The following FGF7 variants were observed in gnomAD, a reference collection of about 807,000 sequenced individuals.
FGF7 encodes fibroblast growth factor 7.
In FGF7, 6 loss-of-function variants were observed where a neutral mutation model predicts 20.5. The ratio of observed to expected loss-of-function variants is 0.29; its 90% CI spans 0.16 to 0.58. FGF7 has a LOEUF of 0.58. Ranked by LOEUF, FGF7 falls within the 20% of genes least tolerant of loss-of-function variation. The pLI, the probability that FGF7 is intolerant of heterozygous loss-of-function variation, is 0.90. For missense variants in FGF7, 144 were observed against 228.8 expected, an observed-to-expected ratio of 0.63 and a Z score of 2.39; for synonymous variants, 64 against 74.7, an observed-to-expected ratio of 0.86 and a Z score of 0.74.
Position 49,488,443 on chromosome 15 carries a change from A to C in FGF7, c.*3939A>C, listed in dbSNP as rs2056590503. 6.6e-6 allele frequency: 1 copy of C among 151,984 alleles called. No homozygotes were observed. Among genetic ancestry groups the C allele is most frequent in the Admixed American group, 6.6e-5 (1 of 15,222 alleles). The allele number at this position is 151,984 out of a possible 1,614,324, so 9.4% of individuals were successfully genotyped here. Reference sequence around the variant, plus strand: ...TGAAAAACTTGACAGGAAGCAAGAAATAATACAGTCCTAGCCTCTTTCCAA... The same window carrying C: ...TGAAAAACTTGACAGGAAGCAAGAACTAATACAGTCCTAGCCTCTTTCCAA... On this transcript the variant is annotated 3_prime_UTR_variant, in exon 4 of 4. Transcript: ENST00000267843.
Position 49,424,269 on chromosome 15 carries a change from T to G in FGF7, c.-29T>G, listed in dbSNP as rs1406307221. The stretch of plus-strand genomic sequence containing the variant: ...CTCAAGATTCATTTTCATTATGTTA[T>G]TCATGAACACCCGGAGCACTACACT... On this transcript the variant is annotated 5_prime_UTR_variant, in exon 2 of 4. Coordinates refer to ENST00000267843, the MANE Select transcript of FGF7 (RefSeq NM_002009.4). 2 of 1,589,980 alleles carry G rather than the reference T, an allele frequency of 1.3e-6. No homozygotes were observed. The highest frequency in any genetic ancestry group is 1.7e-6 in the Non-Finnish European group (2 of 1,162,610).
Position 49,424,340 on chromosome 15 carries a change from T to A in FGF7, c.43T>A (p.Tyr15Asn), listed in dbSNP as rs890102153. 1.2e-6 allele frequency: 2 copies of A among 1,613,664 alleles called. No homozygotes were observed. Among genetic ancestry groups the A allele is most frequent in the Non-Finnish European group, 1.7e-6 (2 of 1,179,656 alleles). ...GACATGGATCCTGCCAACTTTGCTC[T>A]ACAGATCATGCTTTCACATTATCTG... is the stretch of plus-strand genomic sequence containing the variant. Reference protein sequence around the residue: ...ILTWILPTLLYRSCFHIICLV... With the variant: ...ILTWILPTLLNRSCFHIICLV... Residue 15 changes from tyrosine to asparagine, a missense_variant, in exon 2 of 4, where the codon TAC becomes AAC. Physicochemically the swap from Tyr to Asn is moderately radical, Grantham distance 143. Around this residue, in one of 2 missense-constraint regions of FGF7, gnomAD observed 88 missense variants for 103.4 expected, o/e 0.85. Coordinates refer to ENST00000267843, the MANE Select transcript of FGF7 (RefSeq NM_002009.4).
chr15:49,430,201 G>A (rs1176556330), intron 2 of FGF7, among the ~76,000 whole-genome samples: 1 of 151,856 alleles, frequency 6.6e-6, no homozygotes, highest in African/African-American at 2.4e-5. Context: ...AGACTGCTTT[G>A]GTGAATGAGT....
chr15:49,470,008 T>C lies in FGF7; in HGVS notation c.287-13143T>C, dbSNP rs568382297. ...ATTAGAGGATGGCATTAAATAGAAA[T>C]GGTAGCTATGCTTTAACATATTTCT... On this transcript the variant is annotated intron_variant, in intron 2 of 3. Coordinates refer to ENST00000267843, the MANE Select transcript of FGF7 (RefSeq NM_002009.4). 3.5e-4 allele frequency among the ~76,000 whole-genome samples: 53 copies of C among 152,280 alleles called. No homozygotes were observed. The South Asian group carries it at 3.7e-3, about 11-fold the overall frequency.
intron 2 of FGF7, among the ~76,000 whole-genome samples, chr15:49,463,327 G>C (rs990620600): frequency 2.0e-5 from 3 of 152,174 alleles, no homozygotes; most frequent in Non-Finnish European, 2.9e-5. Context: ...GCTGAGGTGG[G>C]TGGATCACCT....
intron 2 of FGF7, among the ~76,000 whole-genome samples, chr15:49,474,360 T>C (rs1475719598): frequency 1.3e-5 from 2 of 152,236 alleles, no homozygotes; most frequent in African/African-American, 4.8e-5. Flanking sequence ...GGAAATGGTA[T>C]TGATTTATTC....
intron 2 of FGF7, among the ~76,000 whole-genome samples, chr15:49,429,168 T>TA (rs368669042): frequency 2.0e-5 from 3 of 151,902 alleles, no homozygotes; most frequent in Non-Finnish European, 4.4e-5. Context: ...CCCCTGCCTT[T>TA]AAAAAAATAG....
At chr15:49,451,543 GTATT>G (rs1208968811) in intron 2 of FGF7, among the ~76,000 whole-genome samples, 2 of 151,882 alleles carry the variant, frequency 1.3e-5, no homozygotes, top group African/African-American at 4.8e-5. Flanking sequence ...TAAAATTTTA[GTATT>G]TATATTTTTT....
chr15:49,423,594 T>C (rs879670152), intron 1 of FGF7, among the ~76,000 whole-genome samples, 154 bp downstream of exon 1: 1 of 152,112 alleles, frequency 6.6e-6, no homozygotes, highest in Admixed American at 6.6e-5. Flanking sequence ...AAAGATAAGG[T>C]TGAAGTTCTC....
rs1410602300 is a variant in FGF7 at position 49,438,619 on chromosome 15, G to A, written c.286+14036G>A. ...GATAAGAAAGTGAGAGGGAGCACGA[G>A]GACAAGGAAATAATACTGTATCATA... is the stretch of plus-strand genomic sequence containing the variant. On this transcript the variant is annotated intron_variant, in intron 2 of 3. Coordinates refer to ENST00000267843, the MANE Select transcript of FGF7 (RefSeq NM_002009.4). 4.6e-5 allele frequency among the ~76,000 whole-genome samples: 7 copies of A among 151,764 alleles called. No individual in the cohort carries two copies. The East Asian group carries it at 1.4e-3, about 30-fold the overall frequency.
chr15:49,474,914 G>C (rs2055113189), intron 2 of FGF7, among the ~76,000 whole-genome samples: 1 of 152,244 alleles, frequency 6.6e-6, no homozygotes, highest in South Asian at 2.1e-4. Flanking sequence ...TGTTGGTTTA[G>C]AGTATCATCT....
At chr15:49,467,366 C>T (rs966732103) in intron 2 of FGF7, among the ~76,000 whole-genome samples, 7 of 152,068 alleles carry the variant, frequency 4.6e-5, no homozygotes, top group Non-Finnish European at 8.8e-5. Context: ...ATTCTGCTCT[C>T]AGAGAAGGTA....
intron 2 of FGF7, among the ~76,000 whole-genome samples, chr15:49,456,593 C>T (rs2053317125): frequency 6.6e-6 from 1 of 152,006 alleles, no homozygotes; most frequent in Admixed American, 6.6e-5. Flanking sequence ...CCTTTCTCTT[C>T]TCAAGGAATA....
At chr15:49,446,130 A>C (rs1012567497) in intron 2 of FGF7, among the ~76,000 whole-genome samples, 3 of 151,592 alleles carry the variant, frequency 2.0e-5, no homozygotes, top group Non-Finnish European at 4.4e-5. Flanking sequence ...GTGTATTATA[A>C]TTGGGAGTAG....
chr15:49,445,376 G>A (rs1466034882), intron 2 of FGF7, among the ~76,000 whole-genome samples: 2 of 151,468 alleles, frequency 1.3e-5, no homozygotes, highest in Non-Finnish European at 3.0e-5. Context: ...GCAGTATTTG[G>A]TTTTCTGTTC....
rs763054888 is a variant in FGF7 at position 49,484,291 on chromosome 15, T to C, written c.391-19T>C. 1.6e-5 allele frequency: 25 copies of C among 1,558,334 alleles called. No individual in the cohort carries two copies. The highest frequency in any genetic ancestry group is 2.1e-5 in the Non-Finnish European group (24 of 1,150,244). ...AAAAATCATTTGGATAATGTCTGTTTGTTTGTTTGTTTTAACAGAAAGAAT... is the reference window on the plus strand; with the variant it reads ...AAAAATCATTTGGATAATGTCTGTTCGTTTGTTTGTTTTAACAGAAAGAAT... On this transcript the variant is annotated intron_variant, in intron 3 of 3. Transcript: ENST00000267843.
chr15:49,461,329 G>A (rs993832390), intron 2 of FGF7, among the ~76,000 whole-genome samples: 2 of 152,136 alleles, frequency 1.3e-5, no homozygotes, highest in African/African-American at 4.8e-5. Flanking sequence ...CATGCACAAT[G>A]TTAGATACTG....
chr15:49,439,013 G>T (rs2051366761), intron 2 of FGF7, among the ~76,000 whole-genome samples: 1 of 151,756 alleles, frequency 6.6e-6, no homozygotes, highest in African/African-American at 2.4e-5. Flanking sequence ...AGGAATTTGG[G>T]AGTAGCTTAG....
intron 2 of FGF7, among the ~76,000 whole-genome samples, chr15:49,466,278 T>C (rs952386573): frequency 2.0e-5 from 3 of 152,182 alleles, no homozygotes; most frequent in African/African-American, 7.2e-5. Flanking sequence ...TGTGATTCCA[T>C]GCAATCAGTC....
Sources: allele counts gnomAD v4.1 joint callset (sites outside exome capture counted in the v4.1 genomes callset), GRCh38; gene constraint gnomAD v4.1.1; regional missense constraint gnomAD v4.1.1; transcripts MANE v1.5; gene names NCBI Gene and HGNC (gene_info 2026-07-23, HGNC 2026-07-21).